GOSR2: variants seen among roughly 807,000 people sequenced by gnomAD.
GOSR2 encodes the protein 27 kDa Golgi SNARE protein.
Under a neutral mutation model 27.9 loss-of-function variants are expected in GOSR2, and 20 were observed. That is an observed-to-expected ratio of 0.72 (90% CI 0.50 to 1.04). GOSR2 has a LOEUF of 1.04. Ranked by LOEUF, GOSR2 falls within the 50% of genes least tolerant of loss-of-function variation. The pLI is 0.00. For synonymous variants in GOSR2, 91 were observed against 98.8 expected (o/e 0.92, Z 0.47); for missense variants, 261 against 270.5 (o/e 0.97, Z 0.25).
At chr17:46,928,781 T>C in intron 1 of GOSR2, among the ~76,000 whole-genome samples, 1 of 152,186 alleles carries the variant, frequency 6.6e-6, no homozygotes, top group Admixed American at 6.5e-5. Context: ...CTACTTGTAA[T>C]CCACATGTCT....
chr17:46,960,717 A>G (rs975725248), intron 6 of GOSR2, among the ~76,000 whole-genome samples: 1 of 152,216 alleles, frequency 6.6e-6, no homozygotes, highest in African/African-American at 2.4e-5. Flanking sequence ...GTGAAACGAT[A>G]TGGATGCATT....
intron 6 of GOSR2, chr17:46,948,947 G>A (rs1031235899): frequency 1.3e-5 from 2 of 152,218 alleles, no homozygotes; most frequent in Admixed American, 1.3e-4. Flanking sequence ...CGATAGCTAC[G>A]AACTGAGCAC....
chr17:46,940,098 C>T lies in GOSR2; in HGVS notation c.*1338C>T. On this transcript the variant is annotated 3_prime_UTR_variant, in exon 6 of 6. Coordinates refer to ENST00000640051, the MANE Select transcript of GOSR2 (RefSeq NM_004287.5). ...ACTGTCTTCTGTCTTATTTCCCTTC[C>T]TTTCTGTGTTCCTCTTCACCTCTCT... The T allele has an allele frequency of 8.7e-7, 1 of 1,152,152 alleles. No individual in the cohort carries two copies. The highest frequency in any genetic ancestry group is 1.1e-6 in the Non-Finnish European group (1 of 933,368). 71.4% of individuals were successfully genotyped at this position (1,152,152 alleles called of 1,614,324 possible).
intron 6 of GOSR2, among the ~76,000 whole-genome samples, chr17:46,956,315 A>G (rs1414553862): frequency 8.8e-5 from 7 of 79,564 alleles, no homozygotes; most frequent in Admixed American, 6.3e-4. Flanking sequence ...TTTGAGACAG[A>G]GTTTCGCTTT....
chr17:46,934,027 C>T (rs2087839816), intron 4 of GOSR2, among the ~76,000 whole-genome samples: 1 of 152,058 alleles, frequency 6.6e-6, no homozygotes, highest in Non-Finnish European at 1.5e-5. Flanking sequence ...AACGCTCTCA[C>T]AGCTGGCGAG....
At chr17:46,952,123 T>TA (rs1199752529) in intron 6 of GOSR2, among the ~76,000 whole-genome samples, 1 of 152,218 alleles carries the variant, frequency 6.6e-6, no homozygotes, top group Non-Finnish European at 1.5e-5. Flanking sequence ...AAAATTCTTA[T>TA]AGTGGGTGGA....
Position 46,940,019 on chromosome 17 carries a change from A to G in GOSR2, c.*1259A>G. On this transcript the variant is annotated 3_prime_UTR_variant, in exon 6 of 6. Transcript: ENST00000640051. ...AGATCTGGAAACCGGCTCAGTATTAACCCTACCTTTGGTTGTCCTGCCCTA... is the reference window on the plus strand; with the variant it reads ...AGATCTGGAAACCGGCTCAGTATTAGCCCTACCTTTGGTTGTCCTGCCCTA... 1 of 1,038,172 alleles carries G rather than the reference A, an allele frequency of 9.6e-7. No individual in the cohort carries two copies. Among genetic ancestry groups the G allele is most frequent in the Non-Finnish European group, 1.2e-6 (1 of 861,630 alleles). 64.3% of individuals were successfully genotyped at this position (1,038,172 alleles called of 1,614,324 possible). A position where few individuals can be genotyped will look rare whatever the true frequency, so the allele number is the denominator to read the frequency against.
chr17:46,960,066 A>G (rs2090964358), intron 6 of GOSR2, among the ~76,000 whole-genome samples: 1 of 152,186 alleles, frequency 6.6e-6, no homozygotes, highest in African/African-American at 2.4e-5. Context: ...AGGCTAACCA[A>G]ATTCATTGAT....
At chr17:46,952,388 C>T (rs1282985072) in intron 6 of GOSR2, among the ~76,000 whole-genome samples, 1 of 152,076 alleles carries the variant, frequency 6.6e-6, no homozygotes, top group African/African-American at 2.4e-5. Context: ...CCCATAGACA[C>T]TGCTGGTTTC....
chr17:46,975,817 CT>C (rs1170383146), downstream of GOSR2, among the ~76,000 whole-genome samples: 6 of 152,288 alleles, frequency 3.9e-5, no homozygotes, highest in Admixed American at 2.0e-4. Context: ...CCCACTAAGG[CT>C]TTCCTTTTCA....
chr17:46,953,842 G>T (rs1333614583), intron 6 of GOSR2, among the ~76,000 whole-genome samples: 1 of 152,080 alleles, frequency 6.6e-6, no homozygotes, highest in Non-Finnish European at 1.5e-5. Flanking sequence ...GTCTTCTTTT[G>T]AGAAGTGTAT....
chr17:46,960,595 CCCAAATAT>C (rs1238413262), intron 6 of GOSR2, among the ~76,000 whole-genome samples: 1 of 152,152 alleles, frequency 6.6e-6, no homozygotes, highest in African/African-American at 2.4e-5. Flanking sequence ...CAGGATACAA[CCCAAATAT>C]CCTTCAACTG....
chr17:46,926,876 C>T (rs1289103546), intron 1 of GOSR2, among the ~76,000 whole-genome samples: 1 of 152,218 alleles, frequency 6.6e-6, no homozygotes, highest in Non-Finnish European at 1.5e-5. Context: ...AACGTCCTGC[C>T]ATGTACATCT....
intron 5 of GOSR2, among the ~76,000 whole-genome samples, chr17:46,938,267 G>A (rs577906717): frequency 7.2e-5 from 11 of 152,170 alleles, no homozygotes; most frequent in African/African-American, 2.2e-4. Context: ...TAATTTTTAT[G>A]TATAATGTGA....
rs1224179029 is a variant in GOSR2 at position 46,938,725 on chromosome 17, G to T, written c.604G>T (p.Val202Leu). ...GATAGGTGGGATGCTGCTGACCTGT[G>T]TGGTCATGTTCCTCGTGGTGCAGTA... ...FMIGGMLLTC[V>L]VMFLVVQYLT Residue 202 changes from valine to leucine, a missense_variant, in exon 6 of 6, where the codon GTG (valine) becomes TTG (leucine). Val to Leu is a conservative substitution (Grantham distance 32). Coordinates refer to ENST00000640051, the MANE Select transcript of GOSR2 (RefSeq NM_004287.5). 1 of 1,613,778 alleles carries T rather than the reference G, an allele frequency of 6.2e-7. No homozygotes were observed. Among genetic ancestry groups the T allele is most frequent in the South Asian group, 1.1e-5 (1 of 91,070 alleles).
chr17:46,969,664 G>C (rs2091371014), downstream of GOSR2, among the ~76,000 whole-genome samples: 1 of 152,250 alleles, frequency 6.6e-6, no homozygotes, highest in Non-Finnish European at 1.5e-5. Context: ...AGTGTGCTTG[G>C]TGGATAAATG....
At chr17:46,934,235 C>T (rs1262660457) in intron 4 of GOSR2, among the ~76,000 whole-genome samples, 3 of 141,174 alleles carry the variant, frequency 2.1e-5, no homozygotes, top group African/African-American at 6.1e-5. Flanking sequence ...TATTCTACCT[C>T]TCTGGGCATT....
Position 46,932,095 on chromosome 17 carries a change from C to T in GOSR2, c.232C>T (p.Gln78Ter), listed in dbSNP as rs748102599. The T allele has an allele frequency of 6.2e-7, 1 of 1,613,436 alleles. No homozygotes were observed. Among genetic ancestry groups the T allele is most frequent in the East Asian group, 2.2e-5 (1 of 44,880 alleles). ...LRVDQLKYDV[Q>*]HLQTALRNFQ... ...GGTTGACCAGTTAAAGTATGATGTC[C>T]AGCACCTGCAGACTGCGCTCAGAAA... The change falls in exon 4 of 6, where the codon CAG becomes TAG. Residue 78 changes from glutamine (Q) to a stop codon, truncating the protein, a stop_gained. Transcript: ENST00000640051. LOFTEE classifies it high-confidence loss of function.
chr17:46,931,158 G>C lies in GOSR2; in HGVS notation c.154G>C (p.Glu52Gln). 6.2e-7 allele frequency: 1 copy of C among 1,611,858 alleles called. No homozygotes were observed. The highest frequency in any genetic ancestry group is 8.5e-7 in the Non-Finnish European group (1 of 1,177,924). Reference protein sequence around the residue: ...DQIFSRLERLEILSSKEPPNK... With the variant: ...DQIFSRLERLQILSSKEPPNK... The stretch of plus-strand genomic sequence containing the variant: ...GATATTCAGCCGTCTAGAACGTCTG[G>C]AGATTTTGTCCAGCAAGGAGCCCCC... Residue 52 changes from glutamate to glutamine, a missense_variant, in exon 3 of 6, where the codon GAG (glutamate) becomes CAG (glutamine). Glu to Gln is a conservative substitution (Grantham distance 29). Coordinates refer to ENST00000640051, the MANE Select transcript of GOSR2 (RefSeq NM_004287.5).
Sources: allele counts gnomAD v4.1 joint callset (sites outside exome capture counted in the v4.1 genomes callset), GRCh38; gene constraint gnomAD v4.1.1; transcripts MANE v1.5; gene names NCBI Gene and HGNC (gene_info 2026-07-23, HGNC 2026-07-21).